The following RESF1 variants were observed in gnomAD, a reference collection of about 807,000 sequenced individuals.
The protein encoded by RESF1 is retroelement silencing factor 1, also known as gonad expressed transcript.
Under a neutral mutation model 134.7 loss-of-function variants are expected in RESF1, and 65 were observed. The ratio of observed to expected loss-of-function variants is 0.48; its 90% CI spans 0.40 to 0.59. The LOEUF (loss-of-function observed/expected upper bound fraction) is 0.59, where lower values mean the gene tolerates loss of function less well. RESF1 is among the 20% of genes least tolerant of loss of function. The probability of loss-of-function intolerance (pLI) is 0.00; values close to 1 mark genes in which losing one functional copy is unlikely to be tolerated. For synonymous variants in RESF1, 762 were observed against 702.2 expected, an observed-to-expected ratio of 1.09 and a Z score of -1.35; for missense variants, 2,274 against 2,002.7, an observed-to-expected ratio of 1.14 and a Z score of -2.59.
Position 31,982,141 on chromosome 12 carries a change from G to T in RESF1, c.1186G>T (p.Asp396Tyr). ...TGTTGCAAAAGAAAAGCTAGTAAGGGATATTAAAACATTAGTAGAGATAAA... is the reference window on the plus strand; with the variant it reads ...TGTTGCAAAAGAAAAGCTAGTAAGGTATATTAAAACATTAGTAGAGATAAA... ...TSVAKEKLVR[D>Y]IKTLVEIKQK... is the part of the protein sequence containing the mutation. The change falls in exon 4 of 6, where the codon GAT becomes TAT. Residue 396 changes from aspartate (D) to tyrosine (Y), a missense_variant. Physicochemically the swap from Asp to Tyr is radical, Grantham distance 160 (BLOSUM62 -3). Coordinates refer to ENST00000312561, the MANE Select transcript of RESF1 (RefSeq NM_018169.4). 6.2e-7 allele frequency: 1 copy of T among 1,613,694 alleles called. No individual in the cohort carries two copies. The highest frequency in any genetic ancestry group is 8.5e-7 in the Non-Finnish European group (1 of 1,179,808).
Position 31,982,363 on chromosome 12 carries a change from C to T in RESF1, c.1408C>T (p.Pro470Ser), listed in dbSNP as rs182704833. Residue 470 changes from proline (P) to serine (S), a missense_variant, in exon 4 of 6, where the codon CCA becomes TCA. Pro to Ser is a moderately conservative substitution (Grantham distance 74, BLOSUM62 -1). Coordinates refer to ENST00000312561, the MANE Select transcript of RESF1 (RefSeq NM_018169.4). ...VMPENAERQT[P>S]TVVESAETNK... ...GCCAGAGAATGCAGAGAGACAAACA[C>T]CAACAGTAGTGGAATCTGCAGAAAC... is the stretch of plus-strand genomic sequence containing the variant. 13 of 1,614,064 alleles carry T rather than the reference C, an allele frequency of 8.1e-6. No homozygotes were observed. The Admixed American group carries it at 1.8e-4, about 23-fold the overall frequency.
intron 3 of RESF1, among the ~76,000 whole-genome samples, chr12:31,972,496 C>T (rs951056067): frequency 5.3e-5 from 8 of 151,670 alleles, no homozygotes; most frequent in Non-Finnish European, 8.8e-5. Flanking sequence ...GTTCCAGCTA[C>T]TCAGGAGGCT....
rs189948336 is a variant in RESF1, at chr12:31,977,370, G to A, written c.-78-3508G>A. On this transcript the variant is annotated intron_variant, in intron 3 of 5. Transcript: ENST00000312561. ...TAATTTTTGCATTTTTAGTAGAGAC[G>A]GGGGCTTCACCATCCATGTTGGTCA... is the stretch of plus-strand genomic sequence containing the variant. Among the ~76,000 whole-genome samples, 5 of 152,118 alleles carry A rather than the reference G, an allele frequency of 3.3e-5. No homozygotes were observed. The East Asian group carries it at 9.7e-4, about 29-fold the overall frequency.
At position 31,981,542 on chromosome 12, in the gene RESF1, A is replaced by G. The variant is rs375010526; in HGVS notation, c.587A>G (p.Asp196Gly). The change falls in exon 4 of 6, where the codon GAT becomes GGT. Residue 196 changes from aspartate to glycine, a missense_variant. Coordinates refer to ENST00000312561, the MANE Select transcript of RESF1 (RefSeq NM_018169.4). ...CAGTCTTTTTCAGAGCAACAGGTTG[A>G]TTGGACACAACAGTGTATATCTAAG... Reference protein sequence around the residue: ...LNQSFSEQQVDWTQQCISKGL... With the variant: ...LNQSFSEQQVGWTQQCISKGL... 1.7e-5 allele frequency: 28 copies of G among 1,614,128 alleles called. No homozygotes were observed. The highest frequency in any genetic ancestry group is 2.0e-5 in the Non-Finnish European group (24 of 1,179,978).
In RESF1 at chr12:31,985,976, G is replaced by T. The variant is rs544539530; in HGVS notation, c.5002+19G>T. 6 of 1,445,996 alleles carry T rather than the reference G, an allele frequency of 4.1e-6. No homozygotes were observed. In the South Asian group the frequency reaches 8.2e-5, roughly 20 times the overall value. 89.6% of individuals were successfully genotyped at this position (1,445,996 alleles called of 1,614,324 possible). On this transcript the variant is annotated intron_variant, in intron 4 of 5. Transcript: ENST00000312561. ...CTGCAAGGTCCAGTATGATTTTCTT[G>T]GTGGTGTCTACAATATTGTAAAGAG...
At chr12:31,973,957 G>A (rs1939571937) in intron 3 of RESF1, among the ~76,000 whole-genome samples, 1 of 152,160 alleles carries the variant, frequency 6.6e-6, no homozygotes. Flanking sequence ...CCACAAGACT[G>A]CCCCTGACTT....
intron 2 of RESF1, among the ~76,000 whole-genome samples, chr12:31,963,131 C>T (rs1451110328): frequency 6.6e-6 from 1 of 152,024 alleles, no homozygotes. Flanking sequence ...TTTGGGAGGC[C>T]AAGGCAGGTG....
chr12:31,972,805 T>C (rs59229839), intron 3 of RESF1, among the ~76,000 whole-genome samples: 190 of 152,240 alleles, frequency 1.2e-3, no homozygotes, highest in African/African-American at 4.5e-3. Flanking sequence ...TGTGAGAAAG[T>C]TTATTCCTAC....
chr12:31,976,275 A>G (rs1939628993), intron 3 of RESF1, among the ~76,000 whole-genome samples: 1 of 152,218 alleles, frequency 6.6e-6, no homozygotes, highest in South Asian at 2.1e-4. Flanking sequence ...AAAAATCCAC[A>G]TTTAACTTTT....
At position 31,984,650 on chromosome 12, in the gene RESF1, A is replaced by G. The variant is rs769447429; in HGVS notation, c.3695A>G (p.Lys1232Arg). The change falls in exon 4 of 6, where the codon AAG becomes AGG. Residue 1232 changes from lysine (K) to arginine (R), a missense_variant. Lys to Arg is a conservative substitution (Grantham distance 26, BLOSUM62 2). Transcript: ENST00000312561. The part of the protein sequence containing the change: ...SDRDVTVVQF[K>R]SLVNNPKTPP... ...AGAGATGTCACTGTTGTTCAATTTA[A>G]GAGCCTTGTAAATAATCCAAAGACT... 4.1e-5 allele frequency: 65 copies of G among 1,577,286 alleles called. No individual in the cohort carries two copies. Among genetic ancestry groups the G allele is most frequent in the Non-Finnish European group, 5.3e-5 (62 of 1,168,690 alleles).
chr12:31,985,302 T>A lies in RESF1; in HGVS notation c.4347T>A (p.Tyr1449Ter). The part of the protein sequence containing the change: ...KFSRILTPKE[Y>*]LQRQKHKEAL... The stretch of plus-strand genomic sequence containing the variant: ...GTAGAATTCTAACTCCTAAGGAGTA[T>A]TTACAAAGGCAGAAGCATAAAGAAG... Residue 1449 changes from tyrosine (Y) to a stop codon, truncating the protein, a stop_gained, in exon 4 of 6, where the codon TAT (tyrosine) becomes TAA (stop). Coordinates refer to ENST00000312561, the MANE Select transcript of RESF1 (RefSeq NM_018169.4). LOFTEE classifies it high-confidence loss of function. The A allele has an allele frequency of 1.2e-6, 2 of 1,613,094 alleles. No homozygotes were observed. Among genetic ancestry groups the A allele is most frequent in the Non-Finnish European group, 1.7e-6 (2 of 1,179,818 alleles).
chr12:31,964,025 T>C (rs1340787980), intron 2 of RESF1, among the ~76,000 whole-genome samples: 3 of 152,256 alleles, frequency 2.0e-5, no homozygotes, highest in Non-Finnish European at 4.4e-5. Context: ...TGTATTTTTA[T>C]TTCTTTTGGG....
At chr12:31,975,823 G>C (rs548313302) in intron 3 of RESF1, among the ~76,000 whole-genome samples, 12 of 152,184 alleles carry the variant, frequency 7.9e-5, no homozygotes, top group African/African-American at 2.4e-4. Flanking sequence ...TGTTACTATA[G>C]TGTTTCATTA....
At chr12:31,965,752 G>C (rs145114607) in intron 2 of RESF1, among the ~76,000 whole-genome samples, 1 of 152,150 alleles carries the variant, frequency 6.6e-6, no homozygotes, top group African/African-American at 2.4e-5. Context: ...TTAGCTGGGC[G>C]TGGTGGCGTG....
chr12:31,977,456 G>C (rs530631099), intron 3 of RESF1, among the ~76,000 whole-genome samples: 12 of 152,282 alleles, frequency 7.9e-5, no homozygotes, highest in African/African-American at 2.4e-4. Flanking sequence ...AAAGTGCTGG[G>C]ATTTACAGGC....
At chr12:31,962,796 T>A (rs1186826051) in intron 2 of RESF1, among the ~76,000 whole-genome samples, 1 of 152,246 alleles carries the variant, frequency 6.6e-6, no homozygotes, top group African/African-American at 2.4e-5. Flanking sequence ...GATGACATAC[T>A]TTTAAAGTTC....
intron 2 of RESF1, among the ~76,000 whole-genome samples, chr12:31,964,432 C>T (rs1939352464): frequency 6.6e-6 from 1 of 152,078 alleles, no homozygotes; most frequent in Non-Finnish European, 1.5e-5. Flanking sequence ...ATAATGTCCT[C>T]TAGCTCCAAG....
intron 2 of RESF1, among the ~76,000 whole-genome samples, chr12:31,969,778 G>T (rs1939469201): frequency 6.6e-6 from 1 of 152,142 alleles, no homozygotes; most frequent in Non-Finnish European, 1.5e-5. Context: ...GAATACAGGT[G>T]TGTGCTACCA....
In RESF1 at chr12:31,985,794, G is replaced by A; in HGVS notation, c.4839G>A (p.Gln1613=). The stretch of plus-strand genomic sequence containing the variant: ...GGAAGCTTCATAAAGATAAGAGACA[G>A]GAAAATAAACATAAGACCTTTTTAC... ...SPRKLHKDKR[Q]ENKHKTFLPV... The change falls in exon 4 of 6, where the codon CAG becomes CAA. Residue 1613 remains glutamine, a synonymous_variant. Coordinates refer to ENST00000312561, the MANE Select transcript of RESF1 (RefSeq NM_018169.4). 2 of 1,562,872 alleles carry A rather than the reference G, an allele frequency of 1.3e-6. No homozygotes were observed. Among genetic ancestry groups the A allele is most frequent in the Non-Finnish European group, 1.7e-6 (2 of 1,162,532 alleles).
Sources: gnomAD v4.1 joint callset for allele counts (sites outside exome capture counted in the v4.1 genomes callset) on GRCh38, gnomAD v4.1.1 for gene constraint, MANE v1.5 for transcripts, NCBI Gene and HGNC (gene_info 2026-07-23, HGNC 2026-07-21) for gene names.